LMNA: variants seen among roughly 807,000 people sequenced by gnomAD.
LMNA encodes lamin A/C, also known as lamin.
In LMNA, 20 loss-of-function variants were observed where a neutral mutation model predicts 70.4. That is an observed-to-expected ratio of 0.28 (90% confidence interval 0.20 to 0.41). The LOEUF is 0.41. Among genes scored for constraint, LMNA ranks in the 10% least tolerant of loss-of-function variants. The probability of loss-of-function intolerance (pLI) is 1.00; values close to 1 mark genes in which losing one functional copy is unlikely to be tolerated. For missense variants in LMNA, 652 were observed against 917.2 expected (o/e 0.71, Z 3.73); for synonymous variants, 339 against 372.8 (o/e 0.91, Z 1.04).
At chr1:156,124,864 C>T (rs1003371422) in intron 1 of LMNA, among the ~76,000 whole-genome samples, 11 of 152,128 alleles carry the variant, frequency 7.2e-5, no homozygotes, top group African/African-American at 2.7e-4. Flanking sequence ...GGGGTATCTC[C>T]CAGCAAGCGA....
chr1:156,102,810 T>C (rs938286220), intron 3 of LMNA, among the ~76,000 whole-genome samples: 1 of 152,194 alleles, frequency 6.6e-6, no homozygotes, highest in Non-Finnish European at 1.5e-5. Context: ...TTTTCAAACT[T>C]TCCGATGGGA....
intron 2 of LMNA, among the ~76,000 whole-genome samples, chr1:156,089,669 C>G (rs1019432503): frequency 4.6e-5 from 7 of 151,886 alleles, no homozygotes; most frequent in Non-Finnish European, 1.0e-4. Flanking sequence ...GGAGAGAGGT[C>G]ACTGTGAGTC....
chr1:156,091,498 A>G (rs1311587038), intron 3 of LMNA, among the ~76,000 whole-genome samples: 1 of 152,134 alleles, frequency 6.6e-6, no homozygotes, highest in Non-Finnish European at 1.5e-5. Flanking sequence ...GCTACTCAGG[A>G]GGCTGAGGCA....
chr1:156,126,221 C>T (rs1650564432), intron 1 of LMNA: 4 of 1,521,876 alleles, frequency 2.6e-6, no homozygotes, highest in African/African-American at 1.4e-5. Context: ...ACTCTGAGGG[C>T]TGGTGAGCAG....
chr1:156,131,713 G>A (rs1293427083), intron 2 of LMNA, among the ~76,000 whole-genome samples: 2 of 152,186 alleles, frequency 1.3e-5, no homozygotes, highest in Non-Finnish European at 2.9e-5. Context: ...CCTCCTATAG[G>A]CCCTTGTGAT....
chr1:156,127,524 T>G (rs955060984), intron 1 of LMNA, among the ~76,000 whole-genome samples: 11 of 137,348 alleles, frequency 8.0e-5, no homozygotes, highest in African/African-American at 2.5e-4. Flanking sequence ...TTTTTTTTTT[T>G]TTTTTTTTTT....
chr1:156,139,709 C>T lies in LMNA; in HGVS notation c.*603C>T. ...CCCCAGTCCCCACCCCTGCCCCCAG[C>T]CCCGGGGTGAGTCCATTCTCCCAGG... On this transcript the variant is annotated 3_prime_UTR_variant, in exon 12 of 12. Coordinates refer to ENST00000368300, the MANE Select transcript of LMNA (RefSeq NM_170707.4). The T allele has an allele frequency of 6.5e-7, 1 of 1,528,362 alleles. No individual in the cohort carries two copies. Among genetic ancestry groups the T allele is most frequent in the Non-Finnish European group, 8.7e-7 (1 of 1,143,678 alleles). 94.7% of individuals were successfully genotyped at this position (1,528,362 alleles called of 1,614,324 possible).
At chr1:156,113,902 TG>T (rs1330110783), upstream of LMNA, among the ~76,000 whole-genome samples, 2 of 152,104 alleles carry the variant, frequency 1.3e-5, no homozygotes, top group Non-Finnish European at 2.9e-5. Flanking sequence ...AGGCAGTGCT[TG>T]GGTCCAAAGG....
At chr1:156,086,633 CCTT>C (rs1648490762) in intron 2 of LMNA, among the ~76,000 whole-genome samples, 2 of 152,178 alleles carry the variant, frequency 1.3e-5, no homozygotes, top group Non-Finnish European at 1.5e-5. Flanking sequence ...GAGTTGTATC[CCTT>C]CTTCTTCCTT....
At position 156,137,504 on chromosome 1, in the gene LMNA, C is replaced by T. The variant is rs2102897262; in HGVS notation, c.1609-150C>T. 5.9e-6 allele frequency: 5 copies of T among 840,474 alleles called. No homozygotes were observed. The South Asian group carries it at 7.3e-5, about 12-fold the overall frequency. The allele number at this position is 840,474 out of a possible 1,614,324, so 52.1% of individuals were successfully genotyped here. A position where few individuals can be genotyped will look rare whatever the true frequency, so the allele number is the denominator to read the frequency against. ...TGTCCCTCTGGGGTGGAAATGAGTT[C>T]CTTAGCTCCATCACCACAGAGGACA... On this transcript the variant is annotated intron_variant, in intron 9 of 11. Coordinates refer to ENST00000368300, the MANE Select transcript of LMNA (RefSeq NM_170707.4). The surrounding 1 kb of genome is among the most constrained non-coding windows in gnomAD (Gnocchi z 4.6).
rs879074647 is a variant in LMNA, at chr1:156,139,129, T to G, written c.*23T>G. 16 of 1,613,628 alleles carry G rather than the reference T, an allele frequency of 9.9e-6. No homozygotes were observed. The highest frequency in any genetic ancestry group is 1.3e-5 in the African/African-American group (1 of 74,990). ...TAATCTGGGACCTGCCAGGCAGGGG[T>G]GGGGGTGGAGGCTTCCTGCGTCCTC... On this transcript the variant is annotated 3_prime_UTR_variant, in exon 12 of 12. Coordinates refer to ENST00000368300, the MANE Select transcript of LMNA (RefSeq NM_170707.4).
intron 1 of LMNA, among the ~76,000 whole-genome samples, chr1:156,125,706 G>A (rs1650512655): frequency 6.6e-6 from 1 of 151,166 alleles, no homozygotes; most frequent in South Asian, 2.1e-4. Context: ...ATAATAATAG[G>A]GGCTGGGCGC....
chr1:156,131,069 A>AG lies in LMNA; in HGVS notation c.513+297dup, dbSNP rs1035772296. ...GGCCGATCACGAGGTCAGGAGATCG[A>AG]GATCATCCTGACTAACATGGTGAAA... On this transcript the variant is annotated intron_variant, in intron 2 of 11. Transcript: ENST00000368300. Among the ~76,000 whole-genome samples the AG allele has an allele frequency of 5.3e-5, 8 of 152,048 alleles. No individual in the cohort carries two copies. In the South Asian group the frequency reaches 1.7e-3, roughly 32 times the overall value.
At chr1:156,125,821 T>C (rs901269515) in intron 1 of LMNA, among the ~76,000 whole-genome samples, 1 of 151,778 alleles carries the variant, frequency 6.6e-6, no homozygotes, top group African/African-American at 2.4e-5. Context: ...AAACTCCGTC[T>C]CTACTAAAAA....
chr1:156,126,155 G>C, intron 1 of LMNA: 1 of 1,519,164 alleles, frequency 6.6e-7, no homozygotes, highest in South Asian at 1.2e-5. Context: ...ATGCCCAGGG[G>C]CTGGGAGACC....
At chr1:156,126,228 G>A in intron 1 of LMNA, 3 of 1,520,584 alleles carry the variant, frequency 2.0e-6, no homozygotes, top group East Asian at 2.5e-5. Flanking sequence ...GGGCTGGTGA[G>A]CAGGGCTGCT....
rs552518747 is a variant in LMNA, at chr1:156,115,779, T to A, written c.356+505T>A. On this transcript the variant is annotated intron_variant, in intron 1 of 11. Coordinates refer to ENST00000368300, the MANE Select transcript of LMNA (RefSeq NM_170707.4). This position sits in a 1 kb window ranked among gnomAD's most constrained non-coding sequence, Gnocchi z 5.8. ...CTAAGACATAACTCTCAAGTTGGCA[T>A]CTGTCCAGCGTGTTGGAGCGAGGTC... 6.6e-6 allele frequency among the ~76,000 whole-genome samples: 1 copy of A among 152,342 alleles called. No individual in the cohort carries two copies. Among genetic ancestry groups the A allele is most frequent in the East Asian group, 1.9e-4 (1 of 5,186 alleles).
At chr1:156,099,884 A>G (rs946508274) in intron 3 of LMNA, among the ~76,000 whole-genome samples, 55 of 151,690 alleles carry the variant, frequency 3.6e-4, no homozygotes, top group African/African-American at 9.4e-4. Context: ...AAAAAAAAAA[A>G]AAAGAAAAAT....
chr1:156,135,249 G>A lies in LMNA; in HGVS notation c.873G>A (p.Glu291=). 1.2e-6 allele frequency: 2 copies of A among 1,613,738 alleles called. No individual in the cohort carries two copies. Among genetic ancestry groups the A allele is most frequent in the Admixed American group, 3.3e-5 (2 of 60,026 alleles). The change falls in exon 5 of 12, where the codon GAG becomes GAA. Residue 291 remains glutamate, a synonymous_variant. Coordinates refer to ENST00000368300, the MANE Select transcript of LMNA (RefSeq NM_170707.4). This position sits in a 1 kb window ranked among gnomAD's most constrained non-coding sequence, Gnocchi z 4.8. ...ACCTGGTGGGGGCTGCCCACGAGGA[G>A]CTGCAGCAGTCGCGCATCCGCATCG... ...NSNLVGAAHE[E]LQQSRIRIDS...
Sources: allele counts gnomAD v4.1 joint callset (sites outside exome capture counted in the v4.1 genomes callset), GRCh38; gene constraint gnomAD v4.1.1; non-coding constraint Gnocchi (gnomAD v3.1); transcripts MANE v1.5; gene names NCBI Gene and HGNC (gene_info 2026-07-23, HGNC 2026-07-21).